Variants in TDRD9 observed in about 807,000 individuals in gnomAD.
TDRD9 encodes the protein ATP-dependent RNA helicase TDRD9.
Under a neutral mutation model 172.6 loss-of-function variants are expected in TDRD9, and 124 were observed. The ratio of observed to expected loss-of-function variants is 0.72; its 90% CI spans 0.62 to 0.83. The LOEUF is 0.83. Ranked by LOEUF, TDRD9 falls within the 40% of genes least tolerant of loss-of-function variation. TDRD9 has a pLI of 0.00. For missense variants in TDRD9, 1,479 were observed against 1,714.1 expected, an observed-to-expected ratio of 0.86 and a Z score of 2.42; for synonymous variants, 619 against 617.1, an observed-to-expected ratio of 1.00 and a Z score of -0.05.
At position 104,018,191 on chromosome 14, in the gene TDRD9, A is replaced by T; in HGVS notation, c.2431A>T (p.Lys811Ter). 3 of 1,555,244 alleles carry T rather than the reference A, an allele frequency of 1.9e-6. No individual in the cohort carries two copies. Among genetic ancestry groups the T allele is most frequent in the Non-Finnish European group, 2.6e-6 (3 of 1,132,558 alleles). ...CAAATCCATTGTATTTGATGGTGCA[A>T]AGTAAGTATATTTTTGTAATCAACT... ...QVKSIVFDGA[K>*]AFVEFSRNPT... Residue 811 changes from lysine (K) to a stop codon, truncating the protein, a stop_gained and splice_region_variant, in exon 23 of 36, where the codon AAA (lysine) becomes TAA (stop). Transcript: ENST00000409874. LOFTEE classifies it high-confidence loss of function.
intron 13 of TDRD9, among the ~76,000 whole-genome samples, chr14:104,000,543 G>T (rs1424640769): frequency 6.6e-6 from 1 of 152,138 alleles, no homozygotes. Context: ...CCAGCACTTC[G>T]GGAGGCTGAG....
chr14:104,030,747 A>G (rs1427354916), intron 28 of TDRD9, among the ~76,000 whole-genome samples: 1 of 152,148 alleles, frequency 6.6e-6, no homozygotes, highest in South Asian at 2.1e-4. Context: ...CAAACACCGC[A>G]TGTTCTCACT....
chr14:103,997,434 C>T lies in TDRD9; in HGVS notation c.1379-1190C>T, dbSNP rs1310919022. 1.3e-5 allele frequency among the ~76,000 whole-genome samples: 2 copies of T among 152,108 alleles called. No individual in the cohort carries two copies. The highest frequency in any genetic ancestry group is 2.4e-5 in the African/African-American group (1 of 41,392). ...CTGAGAGACTGGGAGGATGGAGGCT[C>T]CTGCGAGATGGTGAAGGCTGTGGAA... On this transcript the variant is annotated intron_variant, in intron 12 of 35. Transcript: ENST00000409874. This position sits in a 1 kb window ranked among gnomAD's most constrained non-coding sequence, Gnocchi z 5.1.
At chr14:104,040,695 A>G (rs1402244576) in intron 33 of TDRD9, among the ~76,000 whole-genome samples, 3 of 152,220 alleles carry the variant, frequency 2.0e-5, no homozygotes, top group Admixed American at 2.0e-4. Context: ...TTACTGGGAA[A>G]GGAGGACACA....
chr14:103,951,371 G>A (rs2031861553), intron 1 of TDRD9, among the ~76,000 whole-genome samples: 1 of 152,194 alleles, frequency 6.6e-6, no homozygotes, highest in Admixed American at 6.5e-5. Context: ...TATCTGGAAT[G>A]TGTCATTAGC....
At chr14:103,966,147 A>G (rs2032736172) in intron 4 of TDRD9, among the ~76,000 whole-genome samples, 1 of 152,156 alleles carries the variant, frequency 6.6e-6, no homozygotes. Flanking sequence ...CCTGGCCAAC[A>G]TGGTGAAACC....
chr14:104,023,992 C>G (rs1396990346), intron 24 of TDRD9, among the ~76,000 whole-genome samples: 2 of 152,166 alleles, frequency 1.3e-5, no homozygotes, highest in African/African-American at 2.4e-5. Flanking sequence ...TCTTTCTCTT[C>G]ATTTTAGAAT....
At chr14:103,955,537 G>A (rs2032149615) in intron 1 of TDRD9, 127 bp from the exon 2 acceptor site, 1 of 594,338 alleles carries the variant, frequency 1.7e-6, no homozygotes, top group African/African-American at 1.9e-5. Context: ...CTGAGTTTGA[G>A]TGTATATTCA....
intron 8 of TDRD9, among the ~76,000 whole-genome samples, chr14:103,988,407 C>T (rs1438225260): frequency 2.0e-5 from 3 of 152,020 alleles, no homozygotes; most frequent in Non-Finnish European, 4.4e-5. Context: ...CTCTTGACCT[C>T]GTGATGCGCC....
At chr14:103,936,535 A>C (rs1224264206) in intron 1 of TDRD9, among the ~76,000 whole-genome samples, 5 of 152,186 alleles carry the variant, frequency 3.3e-5, no homozygotes, top group Admixed American at 2.6e-4. Context: ...TTTCCTAAGG[A>C]GTGTATCAGA....
rs1277399444 is a variant in TDRD9 at position 103,928,464 on chromosome 14, C to A, written c.-46C>A. Reference sequence around the variant, plus strand: ...CGCTTCCGCCGTCGCCTGTTCCCGCCGCGGAGACCCGGCAGTTGGGGGATG... The same window carrying A: ...CGCTTCCGCCGTCGCCTGTTCCCGCAGCGGAGACCCGGCAGTTGGGGGATG... On this transcript the variant is annotated 5_prime_UTR_variant, in exon 1 of 36. Coordinates refer to ENST00000409874, the MANE Select transcript of TDRD9 (RefSeq NM_153046.3). 5 of 1,420,656 alleles carry A rather than the reference C, an allele frequency of 3.5e-6. No individual in the cohort carries two copies. Among genetic ancestry groups the A allele is most frequent in the Admixed American group, 2.8e-5 (1 of 36,092 alleles). The allele number at this position is 1,420,656 out of a possible 1,614,324, so 88.0% of individuals were successfully genotyped here.
chr14:104,016,745 ACTTGGTT>A (rs1236993626), intron 22 of TDRD9, among the ~76,000 whole-genome samples: 1 of 152,188 alleles, frequency 6.6e-6, no homozygotes, highest in Admixed American at 6.5e-5. Context: ...GTTTTGGATC[ACTTGGTT>A]CCAGTATGTG....
chr14:103,961,318 T>C (rs948495760), intron 2 of TDRD9, among the ~76,000 whole-genome samples: 3 of 152,176 alleles, frequency 2.0e-5, no homozygotes, highest in Non-Finnish European at 4.4e-5. Flanking sequence ...TGGTGGCTCA[T>C]GCCTGTAATC....
chr14:104,005,184 T>C, intron 14 of TDRD9, 90 bp from the exon 15 acceptor site: 1 of 1,380,986 alleles, frequency 7.2e-7, no homozygotes, highest in Non-Finnish European at 1.0e-6. Flanking sequence ...CCTTCTCTCC[T>C]CCTCTTTCCC....
rs68192057 is a variant in TDRD9, at chr14:103,952,729, C to CTTTT, written c.216-2912_216-2909dup. Among the ~76,000 whole-genome samples, 185 of 72,308 alleles carry CTTTT rather than the reference C, an allele frequency of 2.6e-3. 26 individuals carry two copies. Among genetic ancestry groups the CTTTT allele is most frequent in the African/African-American group, 4.4e-3 (74 of 16,690 alleles). 47.4% of individuals were successfully genotyped at this position (72,308 alleles called of 152,430 possible). Reference sequence around the variant, plus strand: ...TTAGTGATTTATAGGAATTCTCTCTCTTTTTTTTTTTTTTTTTTTTTTTTT... The same window carrying CTTTT: ...TTAGTGATTTATAGGAATTCTCTCTCTTTTTTTTTTTTTTTTTTTTTTTTTTTTT... On this transcript the variant is annotated intron_variant, in intron 1 of 35. Coordinates refer to ENST00000409874, the MANE Select transcript of TDRD9 (RefSeq NM_153046.3).
At chr14:103,933,537 ATTTTAT>A (rs953486281) in intron 1 of TDRD9, among the ~76,000 whole-genome samples, 42 of 151,986 alleles carry the variant, frequency 2.8e-4, no homozygotes, top group African/African-American at 9.6e-4. Context: ...TCCCTAATTT[ATTTTAT>A]TTTATTTCAT....
intron 34 of TDRD9, among the ~76,000 whole-genome samples, chr14:104,047,810 A>C (rs564711936): frequency 6.6e-6 from 1 of 152,092 alleles, no homozygotes; most frequent in South Asian, 2.1e-4. Flanking sequence ...GGTACAGAGA[A>C]TTTTCCATTT....
intron 1 of TDRD9, among the ~76,000 whole-genome samples, chr14:103,947,645 A>G (rs12886010): frequency 0.51 from 77,886 of 152,026 alleles, 21,037 homozygotes; most frequent in South Asian, 0.62. Context: ...CTTTTCAGCA[A>G]ATGATGCTGA....
intron 28 of TDRD9, among the ~76,000 whole-genome samples, chr14:104,028,661 G>T (rs1163626901): frequency 6.6e-6 from 1 of 152,032 alleles, no homozygotes; most frequent in East Asian, 1.9e-4. Context: ...ATTGTTTCCT[G>T]TACTATGCAG....
Sources: allele counts gnomAD v4.1 joint callset (sites outside exome capture counted in the v4.1 genomes callset), GRCh38; gene constraint gnomAD v4.1.1; non-coding constraint Gnocchi (gnomAD v3.1); transcripts MANE v1.5; gene names NCBI Gene and HGNC (gene_info 2026-07-23, HGNC 2026-07-21).